COL25A1: variants seen among roughly 807,000 people sequenced by gnomAD.
COL25A1 encodes the protein collagen alpha-1(XXV) chain.
Under a neutral mutation model 128.4 loss-of-function variants are expected in COL25A1, and 103 were observed. The ratio of observed to expected loss-of-function variants is 0.80; its 90% CI spans 0.68 to 0.94. The LOEUF is 0.94. Among genes scored for constraint, COL25A1 ranks in the 40% least tolerant of loss-of-function variants. The pLI, the probability that COL25A1 is intolerant of heterozygous loss-of-function variation, is 0.00. For missense variants in COL25A1, 745 were observed against 840.0 expected (o/e 0.89, Z 1.40); for synonymous variants, 279 against 277.2 (o/e 1.01, Z -0.06).
At chr4:109,260,351 GA>G (rs1781359616) in intron 3 of COL25A1, among the ~76,000 whole-genome samples, 2 of 152,142 alleles carry the variant, frequency 1.3e-5, no homozygotes, top group Non-Finnish European at 2.9e-5. Flanking sequence ...AATGGGGAAG[GA>G]GTAACGATTT....
At chr4:109,197,956 T>G (rs1776256274) in intron 3 of COL25A1, among the ~76,000 whole-genome samples, 1 of 152,162 alleles carries the variant, frequency 6.6e-6, no homozygotes, top group South Asian at 2.1e-4. Flanking sequence ...AATATTACAT[T>G]CACCCAACAC....
intron 3 of COL25A1, among the ~76,000 whole-genome samples, chr4:109,067,136 T>A (rs146808854): frequency 6.6e-6 from 1 of 152,338 alleles, no homozygotes; most frequent in East Asian, 1.9e-4. Flanking sequence ...AATGGTGAAC[T>A]AACGGTCCCA....
chr4:109,105,522 T>C lies in COL25A1; in HGVS notation c.368-55343A>G, dbSNP rs553366435. On this transcript the variant is annotated intron_variant, in intron 3 of 37. Coordinates refer to ENST00000399132, the MANE Select transcript of COL25A1 (RefSeq NM_198721.4). ...ACAAACAAAATTCTAAAATCTAAAT[T>C]CTGCTCTCTCATTGTATTTAAACTA... 8.5e-5 allele frequency among the ~76,000 whole-genome samples: 13 copies of C among 152,202 alleles called. No homozygotes were observed. The East Asian group carries it at 2.5e-3, about 29-fold the overall frequency.
At chr4:108,931,256 G>A (rs928698123) in intron 11 of COL25A1, among the ~76,000 whole-genome samples, 1 of 152,148 alleles carries the variant, frequency 6.6e-6, no homozygotes, top group Admixed American at 6.5e-5. Context: ...TAGGATGACG[G>A]GACTTTAGAG....
At chr4:108,979,011 G>A (rs1259639120) in intron 6 of COL25A1, among the ~76,000 whole-genome samples, 2 of 152,160 alleles carry the variant, frequency 1.3e-5, no homozygotes, top group Non-Finnish European at 1.5e-5. Flanking sequence ...ACTTAAGGGT[G>A]CTAATAAAGT....
Position 108,927,547 on chromosome 4 carries a change from C to A in COL25A1, c.709-6943G>T, listed in dbSNP as rs554602488. Among the ~76,000 whole-genome samples, 10 of 152,210 alleles carry A rather than the reference C, an allele frequency of 6.6e-5. No individual in the cohort carries two copies. In the East Asian group the frequency reaches 1.9e-3, roughly 29 times the overall value. ...TCTGAGATTTTTGTTTCCGTAATATCACCCCATAATTTCTATTATTTGAAA... is the reference window on the plus strand; with the variant it reads ...TCTGAGATTTTTGTTTCCGTAATATAACCCCATAATTTCTATTATTTGAAA... On this transcript the variant is annotated intron_variant, in intron 11 of 37. Transcript: ENST00000399132.
intron 13 of COL25A1, among the ~76,000 whole-genome samples, chr4:108,916,012 C>G (rs529065958): frequency 6.6e-6 from 1 of 152,236 alleles, no homozygotes; most frequent in South Asian, 2.1e-4. Context: ...AATTATTACT[C>G]TATTGCCAAC....
At chr4:109,160,321 CTT>C (rs1363459099) in intron 3 of COL25A1, among the ~76,000 whole-genome samples, 1 of 152,130 alleles carries the variant, frequency 6.6e-6, no homozygotes, top group East Asian at 1.9e-4. Context: ...AAGAACATCT[CTT>C]TTGTTCATTT....
chr4:109,269,286 T>C (rs1782018441), intron 3 of COL25A1, among the ~76,000 whole-genome samples: 1 of 151,754 alleles, frequency 6.6e-6, no homozygotes, highest in Admixed American at 6.6e-5. Flanking sequence ...GGCTGCATAG[T>C]ATTCCATGGT....
intron 11 of COL25A1, among the ~76,000 whole-genome samples, chr4:108,924,181 G>C (rs1745777052): frequency 6.6e-6 from 1 of 152,046 alleles, no homozygotes; most frequent in South Asian, 2.1e-4. Context: ...TTATCAAAAA[G>C]ATAAAAACTC....
chr4:109,140,700 G>A (rs948056808), intron 3 of COL25A1, among the ~76,000 whole-genome samples: 5 of 152,150 alleles, frequency 3.3e-5, no homozygotes, highest in African/African-American at 1.2e-4. Context: ...CAGCAATTGT[G>A]AATGGGAGTT....
At chr4:109,228,513 T>C (rs1434520670) in intron 3 of COL25A1, among the ~76,000 whole-genome samples, 4 of 152,176 alleles carry the variant, frequency 2.6e-5, no homozygotes, top group African/African-American at 9.7e-5. Context: ...GATTTTAATC[T>C]TTTAGAATTG....
chr4:109,189,280 G>C (rs944013071), intron 3 of COL25A1, among the ~76,000 whole-genome samples: 6 of 152,032 alleles, frequency 3.9e-5, no homozygotes, highest in African/African-American at 1.2e-4. Context: ...GGGCATGGTG[G>C]CTGTCACCTG....
At chr4:108,983,438 C>T (rs1753239642) in intron 6 of COL25A1, among the ~76,000 whole-genome samples, 1 of 152,162 alleles carries the variant, frequency 6.6e-6, no homozygotes, top group African/African-American at 2.4e-5. Flanking sequence ...TCGATTTCAG[C>T]ATGTTTCCTA....
intron 5 of COL25A1, among the ~76,000 whole-genome samples, chr4:109,047,255 G>A (rs1760512273): frequency 6.6e-6 from 1 of 152,182 alleles, no homozygotes; most frequent in South Asian, 2.1e-4. Flanking sequence ...AAAGAAGTGT[G>A]AAATAGCTTG....
intron 8 of COL25A1, among the ~76,000 whole-genome samples, chr4:108,946,861 G>C (rs1026359385): frequency 2.0e-5 from 3 of 152,172 alleles, no homozygotes; most frequent in African/African-American, 4.8e-5. Flanking sequence ...CTAGTTGTGA[G>C]ATTGTGTCTT....
chr4:109,254,354 G>A (rs1452436314), intron 3 of COL25A1, among the ~76,000 whole-genome samples: 6 of 150,006 alleles, frequency 4.0e-5, no homozygotes, highest in East Asian at 3.9e-4. Flanking sequence ...GAGGCTGAAG[G>A]GGGTTTAAAT....
chr4:108,947,169 C>T (rs909987615), intron 8 of COL25A1, among the ~76,000 whole-genome samples: 5 of 152,098 alleles, frequency 3.3e-5, no homozygotes, highest in East Asian at 1.9e-4. Context: ...AATGGCTGGG[C>T]GCGGTGGCTC....
chr4:108,937,487 A>G (rs1238271145), intron 11 of COL25A1, among the ~76,000 whole-genome samples: 1 of 152,078 alleles, frequency 6.6e-6, no homozygotes, highest in Non-Finnish European at 1.5e-5. Context: ...TGGGATTTCT[A>G]TTTCTATTTA....
Sources: gnomAD v4.1 joint callset for allele counts (sites outside exome capture counted in the v4.1 genomes callset) on GRCh38, gnomAD v4.1.1 for gene constraint, MANE v1.5 for transcripts, NCBI Gene and HGNC (gene_info 2026-07-23, HGNC 2026-07-21) for gene names.